The following USP36 variants were observed in gnomAD, a reference collection of about 807,000 sequenced individuals.
USP36 encodes ubiquitin specific peptidase 36.
Under a neutral mutation model 111.5 loss-of-function variants are expected in USP36, and 59 were observed. That is an observed-to-expected ratio of 0.53 (90% CI 0.43 to 0.66). USP36 has a LOEUF of 0.66. Among genes scored for constraint, USP36 ranks in the 30% least tolerant of loss-of-function variants. The pLI is 0.00. For synonymous variants in USP36, 628 were observed against 581.0 expected, an observed-to-expected ratio of 1.08 and a Z score of -1.16; for missense variants, 1,488 against 1,468.0, an observed-to-expected ratio of 1.01 and a Z score of -0.22.
At chr17:78,787,484 G>A (rs750932341) in exon 4 of USP36, 1 of 152,194 alleles carries the variant, frequency 6.6e-6, no homozygotes, top group African/African-American at 2.4e-5. Flanking sequence ...AGAACCATTT[G>A]TAATCAAAAT....
chr17:78,799,091 G>T, intron 18 of USP36, 68 bp from the exon 19 acceptor site: 1 of 1,468,098 alleles, frequency 6.8e-7, no homozygotes, highest in Non-Finnish European at 9.5e-7. Context: ...CACTTCAAGA[G>T]TGTCATTTAC....
chr17:78,834,722 C>T (rs2068484954), intron 4 of USP36, among the ~76,000 whole-genome samples: 1 of 152,112 alleles, frequency 6.6e-6, no homozygotes, highest in Admixed American at 6.6e-5. Flanking sequence ...AGCCACCGTG[C>T]CCGGCCTTGA....
intron 18 of USP36, 134 bp downstream of exon 18, chr17:78,799,533 T>A (rs1449148351): frequency 1.3e-6 from 1 of 772,518 alleles, no homozygotes; most frequent in East Asian, 2.8e-5. Flanking sequence ...GTGTTGAGAT[T>A]CCTCTTCCCA....
At chr17:78,835,199 A>C in intron 4 of USP36, 81 bp downstream of exon 4, 1 of 1,427,050 alleles carries the variant, frequency 7.0e-7, no homozygotes, top group South Asian at 1.2e-5. Context: ...ACCCAGACTG[A>C]GAGCAGCAGT....
downstream of USP36, among the ~76,000 whole-genome samples, chr17:78,792,673 A>C (rs2093592835): frequency 6.6e-6 from 1 of 152,108 alleles, no homozygotes; most frequent in African/African-American, 2.4e-5. Flanking sequence ...CCAGGATGGC[A>C]ACTCTCAACT....
chr17:78,802,240 T>G, intron 17 of USP36, 84 bp downstream of exon 17: 3 of 619,352 alleles, frequency 4.8e-6, no homozygotes, highest in Non-Finnish European at 6.1e-6. Flanking sequence ...CCCCAACCCC[T>G]CGCCCGGTGC....
At chr17:78,802,867 A>T (rs1245437484) in intron 16 of USP36, among the ~76,000 whole-genome samples, 1 of 152,306 alleles carries the variant, frequency 6.6e-6, no homozygotes, top group Non-Finnish European at 1.5e-5. Flanking sequence ...TGCACATACA[A>T]TGATGGACAC....
At chr17:78,832,863 C>T (rs1313250175) in intron 4 of USP36, among the ~76,000 whole-genome samples, 1 of 152,180 alleles carries the variant, frequency 6.6e-6, no homozygotes, top group East Asian at 1.9e-4. Flanking sequence ...CAACAATGTG[C>T]TTCTGCAGGG....
chr17:78,830,153 C>G (rs774682738), intron 4 of USP36, among the ~76,000 whole-genome samples: 2 of 152,256 alleles, frequency 1.3e-5, no homozygotes, highest in Non-Finnish European at 1.5e-5. Context: ...CATTCAAAGT[C>G]ACCACTATCC....
rs1159118433 is a variant in USP36 at position 78,804,498 on chromosome 17, A to AC, written c.2217-521_2217-520insG. ...ACCAAAAAAACAAAAACAAAAACAA[A>AC]AAAAAAAAAACAAAGTTACCTAGGT... On this transcript the variant is annotated intron_variant, in intron 15 of 20. Coordinates refer to ENST00000449938, the MANE Select transcript of USP36 (RefSeq NM_001385174.1). Among the ~76,000 whole-genome samples the AC allele has an allele frequency of 1.0e-3, 34 of 33,540 alleles. 1 individual carries two copies. The highest frequency in any genetic ancestry group is 0.024 in the Middle Eastern group (2 of 82). The allele number at this position is 33,540 out of a possible 152,430, so 22.0% of individuals were successfully genotyped here. A position where few individuals can be genotyped will look rare whatever the true frequency, so the allele number is the denominator to read the frequency against.
chr17:78,827,580 A>C (rs1046213985), intron 5 of USP36, among the ~76,000 whole-genome samples: 1 of 152,172 alleles, frequency 6.6e-6, no homozygotes, highest in Non-Finnish European at 1.5e-5. Context: ...ACTACTGCAC[A>C]GACAAGGAAG....
rs1324251845 is a variant in USP36, at chr17:78,807,441, T to C, written c.1603A>G (p.Lys535Glu). 5.6e-6 allele frequency: 9 copies of C among 1,614,042 alleles called. No homozygotes were observed. The highest frequency in any genetic ancestry group is 2.2e-5 in the South Asian group (2 of 91,082). ...TGTGGAGGAGCTGGCTTCTTCACCT[T>C]CTTTCCAGGGTCGTCTAGGATGGTT... ...MPTILDDPGK[K>E]VKKPAPPQHF... Residue 535 changes from lysine to glutamate, a missense_variant, in exon 14 of 21, where the codon AAG (lysine) becomes GAG (glutamate). Physicochemically the swap from Lys to Glu is moderately conservative, Grantham distance 56 (BLOSUM62 1). This residue lies in a region of USP36 where 1,073 missense variants were observed against 994.1 expected (regional missense o/e 1.08). Transcript: ENST00000449938.
chr17:78,838,427 A>T (rs1249095951), intron 2 of USP36, among the ~76,000 whole-genome samples, 160 bp downstream of exon 2: 1 of 151,798 alleles, frequency 6.6e-6, no homozygotes, highest in Non-Finnish European at 1.5e-5. Flanking sequence ...TCAGAAGCTT[A>T]TTTAAAAAAA....
intron 3 of USP36, 78 bp from the exon 4 acceptor site, chr17:78,835,579 G>C (rs1282545184): frequency 1.7e-5 from 24 of 1,378,116 alleles, no homozygotes; most frequent in Non-Finnish European, 2.3e-5. Flanking sequence ...AGAAACTCCT[G>C]AAGCATACAC....
chr17:78,787,489 C>T (rs557619342), exon 4 of USP36: 5 of 152,286 alleles, frequency 3.3e-5, no homozygotes, highest in African/African-American at 9.6e-5. Flanking sequence ...CATTTGTAAT[C>T]AAAATCAATG....
intron 7 of USP36, chr17:78,821,405 TATATATATATATA>T (rs1297805080): frequency 8.2e-4 from 49 of 59,608 alleles, no homozygotes; most frequent in African/African-American, 4.3e-3. Context: ...TATATATATA[TATATATATATATA>T]TATTTTTTTT....
rs1357939325 is a variant in USP36, at chr17:78,807,316, A to T, written c.1728T>A (p.Asp576Glu). The T allele has an allele frequency of 6.2e-7, 1 of 1,614,134 alleles. No homozygotes were observed. Among genetic ancestry groups the T allele is most frequent in the Admixed American group, 1.7e-5 (1 of 60,016 alleles). Residue 576 changes from aspartate to glutamate, a missense_variant, in exon 14 of 21, where the codon GAT (aspartate) becomes GAA (glutamate). Asp to Glu is a conservative substitution (Grantham distance 45). This residue lies in a region of USP36 where 1,073 missense variants were observed against 994.1 expected (regional missense o/e 1.08). Coordinates refer to ENST00000449938, the MANE Select transcript of USP36 (RefSeq NM_001385174.1). Reference protein sequence around the residue: ...SQRQGSWDSRDVVLSTSPKLL... With the variant: ...SQRQGSWDSREVVLSTSPKLL... ...GCTTAGGTGAGGTAGAGAGGACAAC[A>T]TCCCTGCTGTCCCAGGAGCCCTGCC...
chr17:78,807,785 G>A, intron 13 of USP36, 149 bp from the exon 14 acceptor site: 1 of 853,694 alleles, frequency 1.2e-6, no homozygotes, highest in Non-Finnish European at 1.7e-6. Context: ...TCTTGGTAAA[G>A]ACACTGTGGC....
At chr17:78,806,884 T>A in intron 14 of USP36, 75 bp downstream of exon 14, 4 of 1,551,486 alleles carry the variant, frequency 2.6e-6, no homozygotes, top group Non-Finnish European at 2.6e-6. Context: ...ATGTTCTCAC[T>A]CCCTTCAAAC....
Sources: allele counts gnomAD v4.1 joint callset (sites outside exome capture counted in the v4.1 genomes callset), GRCh38; gene constraint gnomAD v4.1.1; regional missense constraint gnomAD v4.1.1; transcripts MANE v1.5; gene names NCBI Gene and HGNC (gene_info 2026-07-23, HGNC 2026-07-21).